Variants in ALS2 observed in about 807,000 individuals in gnomAD.
ALS2 encodes alsin.
ALS2 carries 117 observed loss-of-function variants against 203.4 expected under a neutral mutation model. The ratio of observed to expected loss-of-function variants is 0.58; its 90% confidence interval spans 0.50 to 0.67. The LOEUF (loss-of-function observed/expected upper bound fraction) is 0.67. ALS2 is among the 30% of genes least tolerant of loss of function. The probability of loss-of-function intolerance (pLI) is 0.00; values close to 1 mark genes in which losing one functional copy is unlikely to be tolerated. For missense variants in ALS2, 1,715 were observed against 1,989.4 expected (o/e 0.86, Z 2.62); for synonymous variants, 718 against 725.9 (o/e 0.99, Z 0.17).
intron 21 of ALS2, 82 bp from the exon 22 acceptor site, chr2:201,723,523 C>T (rs1482106981): frequency 1.3e-5 from 16 of 1,199,234 alleles, no homozygotes; most frequent in African/African-American, 3.0e-5. Context: ...TGGGAGATCC[C>T]AGGCATCAAC....
chr2:201,764,475 CAA>C (rs10630810), intron 3 of ALS2, among the ~76,000 whole-genome samples: 1 of 144,270 alleles, frequency 6.9e-6, no homozygotes. Context: ...ACTAAAAATA[CAA>C]AAAAAAAAGA....
At position 201,733,297 on chromosome 2, in the gene ALS2, C is replaced by A; in HGVS notation, c.2559G>T (p.Lys853Asn). 6.2e-7 allele frequency: 1 copy of A among 1,613,794 alleles called. No individual in the cohort carries two copies. Among genetic ancestry groups the A allele is most frequent in the Admixed American group, 1.7e-5 (1 of 60,024 alleles). ...RLHNYAKVLL[K>N]LATCFEVASP... ...TTACCACTTCAAAACAAGTAGCAAGCTTTAGCAAAACTTTTGCGTAATTAT... is the reference window on the plus strand; with the variant it reads ...TTACCACTTCAAAACAAGTAGCAAGATTTAGCAAAACTTTTGCGTAATTAT... Residue 853 changes from lysine to asparagine, a missense_variant, in exon 13 of 34, where the codon AAG becomes AAT. Coordinates refer to ENST00000264276, the MANE Select transcript of ALS2 (RefSeq NM_020919.4).
chr2:201,710,972 A>G lies in ALS2; in HGVS notation c.4122+19T>C. The G allele has an allele frequency of 7.0e-7, 1 of 1,420,536 alleles. No homozygotes were observed. The highest frequency in any genetic ancestry group is 1.0e-6 in the Non-Finnish European group (1 of 1,003,944). The allele number at this position is 1,420,536 out of a possible 1,614,324, so 88.0% of individuals were successfully genotyped here. A position where few individuals can be genotyped will look rare whatever the true frequency, so the allele number is the denominator to read the frequency against. ...AATCATTAATTCACAAGACCAATGT[A>G]ATTTTTACTCTAGTTTACCTTTATT... is the stretch of plus-strand genomic sequence containing the variant. On this transcript the variant is annotated intron_variant, in intron 26 of 33. Transcript: ENST00000264276.
At chr2:201,753,054 CAT>C in intron 7 of ALS2, 90 bp downstream of exon 7, 1 of 972,938 alleles carries the variant, frequency 1.0e-6, no homozygotes, top group Admixed American at 1.7e-5. Context: ...CATTGCCTGA[CAT>C]ATAGCAGATA....
intron 3 of ALS2, among the ~76,000 whole-genome samples, chr2:201,764,356 G>A (rs1442873493): frequency 6.6e-6 from 1 of 152,110 alleles, no homozygotes; most frequent in Non-Finnish European, 1.5e-5. Flanking sequence ...AACAGGCTGG[G>A]TGCAGTGGCT....
intron 5 of ALS2, 80 bp downstream of exon 5, chr2:201,757,322 T>C: frequency 8.5e-7 from 1 of 1,181,174 alleles, no homozygotes. Context: ...AGGACAGCTT[T>C]TTTAATAATA....
At chr2:201,731,080 C>T (rs80037188) in intron 13 of ALS2, among the ~76,000 whole-genome samples, 7 of 152,216 alleles carry the variant, frequency 4.6e-5, no homozygotes, top group African/African-American at 1.7e-4. Flanking sequence ...CACCATGTAG[C>T]GAGGGAGCAG....
intron 25 of ALS2, among the ~76,000 whole-genome samples, chr2:201,713,051 G>A (rs1031429347): frequency 1.1e-4 from 16 of 150,768 alleles, no homozygotes; most frequent in Non-Finnish European, 1.9e-4. Context: ...TGGGTTTCAC[G>A]TCTTTTTACT....
At chr2:201,725,301 G>T in intron 20 of ALS2, 55 bp downstream of exon 20, 10 of 1,463,754 alleles carry the variant, frequency 6.8e-6, no homozygotes, top group African/African-American at 1.4e-5. Context: ...AAACATTCAG[G>T]TTTACATGGT....
intron 13 of ALS2, among the ~76,000 whole-genome samples, chr2:201,731,961 T>C (rs904199053): frequency 3.9e-5 from 6 of 152,174 alleles, no homozygotes; most frequent in Non-Finnish European, 8.8e-5. Context: ...ATAAAGCATA[T>C]GAAAGCTACA....
intron 8 of ALS2, among the ~76,000 whole-genome samples, chr2:201,748,072 A>G (rs953414979): frequency 1.3e-5 from 2 of 152,090 alleles, no homozygotes; most frequent in South Asian, 4.1e-4. Flanking sequence ...ACACAAATAC[A>G]CTCTCTAATC....
chr2:201,747,682 C>T (rs531194153), intron 8 of ALS2, among the ~76,000 whole-genome samples: 112 of 152,256 alleles, frequency 7.4e-4, no homozygotes, highest in African/African-American at 2.6e-3. Flanking sequence ...GTCTCCTGAC[C>T]TCATGATTCG....
At chr2:201,710,685 G>A (rs1030252610) in intron 26 of ALS2, among the ~76,000 whole-genome samples, 1 of 152,062 alleles carries the variant, frequency 6.6e-6, no homozygotes, top group African/African-American at 2.4e-5. Flanking sequence ...AGGGGTGAGG[G>A]CAGCATGCTT....
chr2:201,731,847 T>A (rs931264395), intron 13 of ALS2, among the ~76,000 whole-genome samples: 1 of 152,144 alleles, frequency 6.6e-6, no homozygotes, highest in African/African-American at 2.4e-5. Flanking sequence ...CAGAGATGGA[T>A]AGGTGAAAGA....
Position 201,705,501 on chromosome 2 carries a change from T to C in ALS2, c.4581-40A>G, listed in dbSNP as rs750404562. ...ATAAATTATTAATATAAGTTGTTAC[T>C]TATGGTAAACAAAATCCCATAAAAA... On this transcript the variant is annotated intron_variant, in intron 29 of 33. Coordinates refer to ENST00000264276, the MANE Select transcript of ALS2 (RefSeq NM_020919.4). 1.9e-6 allele frequency: 3 copies of C among 1,541,936 alleles called. No homozygotes were observed. In the South Asian group the frequency reaches 3.4e-5, roughly 17 times the overall value.
intron 1 of ALS2, chr2:201,780,065 A>G (rs892578241): frequency 6.6e-6 from 1 of 152,246 alleles, no homozygotes; most frequent in Non-Finnish European, 1.5e-5. Flanking sequence ...TGGGTACAGC[A>G]GTCAGTTCCT....
chr2:201,752,621 G>A (rs1025966344), intron 7 of ALS2, among the ~76,000 whole-genome samples: 4 of 151,930 alleles, frequency 2.6e-5, no homozygotes, highest in Non-Finnish European at 5.9e-5. Context: ...CACCATTATC[G>A]AAATATGAAT....
chr2:201,727,683 T>TGGGGGGGGGGGGGGGGG, intron 16 of ALS2, 22 bp downstream of exon 16: 5 of 951,184 alleles, frequency 5.3e-6, no homozygotes, highest in Non-Finnish European at 4.4e-6. Context: ...CGGGGTGGGG[T>TGGGGGGGGGGGGGGGGG]GGGGAGGGGG....
intron 4 of ALS2, among the ~76,000 whole-genome samples, chr2:201,757,981 C>T (rs1041673161): frequency 1.3e-5 from 2 of 152,120 alleles, no homozygotes; most frequent in African/African-American, 4.8e-5. Flanking sequence ...CAAAGTACTT[C>T]CTTTTGTCTA....
Sources: gnomAD v4.1 joint callset for allele counts (sites outside exome capture counted in the v4.1 genomes callset) on GRCh38, gnomAD v4.1.1 for gene constraint, MANE v1.5 for transcripts, NCBI Gene and HGNC (gene_info 2026-07-23, HGNC 2026-07-21) for gene names.